NELL1: variants seen among roughly 807,000 people sequenced by gnomAD.
NELL1 encodes protein kinase C-binding protein NELL1.
NELL1 carries 76 observed loss-of-function variants against 107.4 expected under a neutral mutation model. That is an observed-to-expected ratio of 0.71 (90% CI 0.59 to 0.86). The LOEUF (loss-of-function observed/expected upper bound fraction) is 0.86. NELL1 is among the 40% of genes least tolerant of loss of function. The pLI, the probability that NELL1 is intolerant of heterozygous loss-of-function variation, is 0.00. For synonymous variants in NELL1, 353 were observed against 341.2 expected (o/e 1.03, Z -0.38); for missense variants, 1,024 against 1,005.5 (o/e 1.02, Z -0.25).
chr11:21,332,585 T>C (rs976042102), intron 14 of NELL1, among the ~76,000 whole-genome samples: 1 of 152,032 alleles, frequency 6.6e-6, no homozygotes, highest in African/African-American at 2.4e-5. Context: ...TATAGTCTCA[T>C]ACAAACTAAA....
intron 12 of NELL1, among the ~76,000 whole-genome samples, chr11:21,094,591 A>T (rs548413298): frequency 6.6e-6 from 1 of 152,202 alleles, no homozygotes; most frequent in African/African-American, 2.4e-5. Context: ...AGGCATTTCC[A>T]TACATCTTAT....
intron 3 of NELL1, among the ~76,000 whole-genome samples, chr11:20,845,575 G>A: frequency 6.6e-6 from 1 of 152,004 alleles, no homozygotes; most frequent in East Asian, 1.9e-4. Flanking sequence ...ATAAGCTCGT[G>A]GTGCATTTCT....
chr11:21,411,095 A>T (rs1852366040), intron 15 of NELL1, among the ~76,000 whole-genome samples: 1 of 152,064 alleles, frequency 6.6e-6, no homozygotes, highest in Admixed American at 6.6e-5. Context: ...CTCAAGGGAG[A>T]TATAGCACTT....
At chr11:21,236,374 C>A (rs369931115) in intron 14 of NELL1, among the ~76,000 whole-genome samples, 14 of 152,218 alleles carry the variant, frequency 9.2e-5, no homozygotes, top group African/African-American at 3.1e-4. Context: ...TAATGCAAAT[C>A]AACCTGCTCT....
At chr11:21,313,474 A>G (rs1849793707) in intron 14 of NELL1, among the ~76,000 whole-genome samples, 1 of 152,176 alleles carries the variant, frequency 6.6e-6, no homozygotes. Context: ...ACAGTGACTG[A>G]GGCACAAGCT....
chr11:20,876,705 C>T (rs1849310844), intron 4 of NELL1, among the ~76,000 whole-genome samples: 2 of 152,124 alleles, frequency 1.3e-5, no homozygotes, highest in Non-Finnish European at 2.9e-5. Context: ...GCAGAGCTTG[C>T]AGAGCTGAGA....
intron 15 of NELL1, among the ~76,000 whole-genome samples, chr11:21,524,889 G>A (rs1470461025): frequency 1.3e-5 from 2 of 152,190 alleles, no homozygotes; most frequent in Non-Finnish European, 2.9e-5. Context: ...ATGACAGTGA[G>A]GAAGGAGTGC....
intron 13 of NELL1, among the ~76,000 whole-genome samples, chr11:21,156,203 C>T (rs1190627382): frequency 1.3e-5 from 2 of 152,276 alleles, no homozygotes; most frequent in Non-Finnish European, 2.9e-5. Flanking sequence ...GAAAACACAG[C>T]ATCCTAGAAG....
In NELL1 at chr11:21,506,439, G is replaced by C. The variant is rs529186309; in HGVS notation, c.1646-27935G>C. On this transcript the variant is annotated intron_variant, in intron 15 of 19. Transcript: ENST00000357134. ...CAAAGGCACTTAAGAAAATAATACA[G>C]TATAATGACTCTGTGCTCTTTAGTT... 1.1e-4 allele frequency among the ~76,000 whole-genome samples: 16 copies of C among 152,254 alleles called. No homozygotes were observed. The South Asian group carries it at 3.1e-3, about 30-fold the overall frequency.
intron 12 of NELL1, among the ~76,000 whole-genome samples, chr11:20,982,984 G>A (rs964157081): frequency 4.6e-5 from 7 of 152,174 alleles, no homozygotes; most frequent in South Asian, 2.1e-4. Flanking sequence ...TATTTATTAC[G>A]TTATTTTAAG....
intron 1 of NELL1, among the ~76,000 whole-genome samples, chr11:20,677,036 T>C (rs1271500645): frequency 1.3e-5 from 2 of 152,176 alleles, no homozygotes; most frequent in East Asian, 1.9e-4. Context: ...GAGGCATCTT[T>C]AGGGATTTGT....
rs183325695 is a variant in NELL1, at chr11:21,448,043, C to T, written c.1645+77095C>T. ...TCTCCTTCTCCCAAACGCACAGATT[C>T]TCTCTGAACCACGTAGCCACTGCCA... is the stretch of plus-strand genomic sequence containing the variant. On this transcript the variant is annotated intron_variant, in intron 15 of 19. Transcript: ENST00000357134. Among the ~76,000 whole-genome samples, 71 of 152,316 alleles carry T rather than the reference C, an allele frequency of 4.7e-4. No individual in the cohort carries two copies. In the East Asian group the frequency reaches 8.5e-3, roughly 18 times the overall value.
chr11:21,179,873 T>TTTTC (rs1856792477), intron 13 of NELL1, among the ~76,000 whole-genome samples: 2 of 142,884 alleles, frequency 1.4e-5, no homozygotes, highest in Non-Finnish European at 3.0e-5. Flanking sequence ...TTTTTTTTTT[T>TTTTC]TTTTTTTTTT....
chr11:21,284,685 G>C, intron 14 of NELL1: 1 of 370,456 alleles, frequency 2.7e-6, no homozygotes, highest in Non-Finnish European at 5.4e-6. Context: ...AGCCAACTAT[G>C]TCTATATGTA....
chr11:20,905,462 C>T (rs1849975445), intron 5 of NELL1, among the ~76,000 whole-genome samples: 1 of 152,024 alleles, frequency 6.6e-6, no homozygotes, highest in Admixed American at 6.6e-5. Flanking sequence ...AGATGTTGAA[C>T]TTACTGTACA....
chr11:21,553,052 GT>G (rs1454247501), intron 16 of NELL1, among the ~76,000 whole-genome samples: 4 of 151,852 alleles, frequency 2.6e-5, no homozygotes, highest in African/African-American at 9.7e-5. Flanking sequence ...TATTGACAAT[GT>G]TTTTAGACCT....
chr11:21,427,155 A>AT (rs1852843220), intron 15 of NELL1, among the ~76,000 whole-genome samples: 1 of 152,098 alleles, frequency 6.6e-6, no homozygotes, highest in African/African-American at 2.4e-5. Context: ...GCATCTCTGC[A>AT]TTTTTTCATG....
At chr11:21,347,907 C>T (rs943874127) in intron 14 of NELL1, among the ~76,000 whole-genome samples, 2 of 151,806 alleles carry the variant, frequency 1.3e-5, no homozygotes, top group Admixed American at 6.6e-5. Context: ...AGAAAAGGGG[C>T]GCATGTCTGA....
intron 14 of NELL1, among the ~76,000 whole-genome samples, chr11:21,367,935 T>C (rs12295812): frequency 9.2e-5 from 14 of 152,248 alleles, no homozygotes; most frequent in African/African-American, 2.9e-4. Context: ...ACCAGTCCTC[T>C]GCATATCAGA....
Sources: allele counts gnomAD v4.1 joint callset (sites outside exome capture counted in the v4.1 genomes callset), GRCh38; gene constraint gnomAD v4.1.1; transcripts MANE v1.5; gene names NCBI Gene and HGNC (gene_info 2026-07-23, HGNC 2026-07-21).